Variants in FAM114A1 observed in about 807,000 individuals in gnomAD.
The protein encoded by FAM114A1 is protein NOXP20.
In FAM114A1, 62 loss-of-function variants were observed where a neutral mutation model predicts 64.3. The ratio of observed to expected loss-of-function variants is 0.96; its 90% CI spans 0.79 to 1.19. The LOEUF is 1.19. Among genes scored for constraint, FAM114A1 ranks in the 50% most tolerant of loss-of-function variants. The pLI is 0.00. For missense variants in FAM114A1, 645 were observed against 676.3 expected (o/e 0.95, Z 0.51); for synonymous variants, 254 against 251.1 (o/e 1.01, Z -0.11).
chr4:38,882,657 T>C (rs1715404243), intron 3 of FAM114A1, among the ~76,000 whole-genome samples: 1 of 152,198 alleles, frequency 6.6e-6, no homozygotes, highest in African/African-American at 2.4e-5. Flanking sequence ...TGAGGAATGC[T>C]TGCTTTACTA....
At chr4:38,931,315 T>C (rs1720610428) in intron 10 of FAM114A1, 136 bp from the exon 11 acceptor site, 1 of 993,550 alleles carries the variant, frequency 1.0e-6, no homozygotes. Flanking sequence ...GGTTGAAAAA[T>C]TGCCCCGTCA....
chr4:38,924,905 T>C (rs1253878403), intron 9 of FAM114A1, among the ~76,000 whole-genome samples: 1 of 152,206 alleles, frequency 6.6e-6, no homozygotes, highest in Non-Finnish European at 1.5e-5. Flanking sequence ...GGGTGTCATT[T>C]AGAAAGGACA....
At chr4:38,929,403 T>G in intron 10 of FAM114A1, 70 bp downstream of exon 10, 1 of 1,178,008 alleles carries the variant, frequency 8.5e-7, no homozygotes, top group African/African-American at 1.5e-5. Flanking sequence ...TGTTGTAAAG[T>G]TCCAGAGATG....
At chr4:38,914,796 C>G (rs574066704) in intron 7 of FAM114A1, 125 bp from the exon 8 acceptor site, 1 of 1,069,266 alleles carries the variant, frequency 9.4e-7, no homozygotes, top group East Asian at 2.6e-5. Context: ...TTTAGAAATT[C>G]TAAAGTGACC....
chr4:38,917,997 A>G (rs925543357), intron 8 of FAM114A1, among the ~76,000 whole-genome samples: 1 of 151,888 alleles, frequency 6.6e-6, no homozygotes, highest in Non-Finnish European at 1.5e-5. Flanking sequence ...CAGGCGGATC[A>G]CCTGAGGTCA....
intron 3 of FAM114A1, among the ~76,000 whole-genome samples, chr4:38,881,332 G>A (rs1715249014): frequency 6.6e-6 from 1 of 152,106 alleles, no homozygotes; most frequent in South Asian, 2.1e-4. Flanking sequence ...TTGGTAACAG[G>A]TACTCCACCT....
intron 8 of FAM114A1, among the ~76,000 whole-genome samples, chr4:38,921,091 A>G (rs1478029846): frequency 2.0e-5 from 3 of 152,254 alleles, no homozygotes; most frequent in Non-Finnish European, 4.4e-5. Context: ...TATTCCAAAG[A>G]GGACTACGGC....
intron 1 of FAM114A1, 134 bp downstream of exon 1, chr4:38,867,968 T>C: frequency 2.9e-6 from 1 of 348,776 alleles, no homozygotes. Context: ...CCCTCTGCGT[T>C]AGTGAGAAGC....
intron 2 of FAM114A1, among the ~76,000 whole-genome samples, chr4:38,871,515 TC>T (rs1714077731): frequency 6.6e-6 from 1 of 152,204 alleles, no homozygotes; most frequent in Non-Finnish European, 1.5e-5. Context: ...TTGACAATAG[TC>T]CATAAATATG....
rs1715161249 is a variant in FAM114A1, at chr4:38,880,594, T to C, written c.348+2168T>C. On this transcript the variant is annotated intron_variant, in intron 3 of 14. Transcript: ENST00000358869. ...ATGGACCACTAGATTATGTCAAGAA[T>C]CAGCCCAAATAGGAAATGGCAGAGT... Among the ~76,000 whole-genome samples the C allele has an allele frequency of 2.0e-5, 3 of 152,178 alleles. No homozygotes were observed. In the South Asian group the frequency reaches 6.2e-4, roughly 32 times the overall value.
intron 10 of FAM114A1, 34 bp from the exon 11 acceptor site, chr4:38,931,417 C>A: frequency 6.4e-7 from 1 of 1,568,100 alleles, no homozygotes; most frequent in Non-Finnish European, 8.6e-7. Context: ...ATATTTGCGC[C>A]ATAAAAGGAT....
At chr4:38,933,020 A>C (rs1720788965) in intron 12 of FAM114A1, among the ~76,000 whole-genome samples, 1 of 151,684 alleles carries the variant, frequency 6.6e-6, no homozygotes, top group African/African-American at 2.4e-5. Context: ...CATCCAGCTA[A>C]TTTTTGTATT....
At chr4:38,884,440 A>G (rs1246545811) in intron 3 of FAM114A1, among the ~76,000 whole-genome samples, 1 of 152,254 alleles carries the variant, frequency 6.6e-6, no homozygotes, top group Non-Finnish European at 1.5e-5. Flanking sequence ...CTCAGGTGTT[A>G]ACATATAAAT....
In FAM114A1 at chr4:38,936,346, G is replaced by A. The variant is rs1269145349; in HGVS notation, c.1536+556G>A. On this transcript the variant is annotated intron_variant, in intron 13 of 14. Coordinates refer to ENST00000358869, the MANE Select transcript of FAM114A1 (RefSeq NM_138389.4). ...CCTGACCTCGTGATCCGCCCACCTC[G>A]GCCCTGCAAAGTGCTGGGATTACAG... is the stretch of plus-strand genomic sequence containing the variant. Among the ~76,000 whole-genome samples, 4 of 151,738 alleles carry A rather than the reference G, an allele frequency of 2.6e-5. No homozygotes were observed. In the South Asian group the frequency reaches 6.2e-4, roughly 24 times the overall value.
chr4:38,899,075 T>C (rs1717255864), intron 4 of FAM114A1, among the ~76,000 whole-genome samples: 1 of 151,244 alleles, frequency 6.6e-6, no homozygotes, highest in Non-Finnish European at 1.5e-5. Context: ...AGTGGAATAC[T>C]ATGCAGCCAT....
rs574692131 is a variant in FAM114A1, at chr4:38,918,771, C to T, written c.945+3698C>T. ...GCCAGGAGTTCGAGACTAGCCTGACCAACATGGCAAAACCCTGTCTCAAAT... is the reference window on the plus strand; with the variant it reads ...GCCAGGAGTTCGAGACTAGCCTGACTAACATGGCAAAACCCTGTCTCAAAT... On this transcript the variant is annotated intron_variant, in intron 8 of 14. Transcript: ENST00000358869. Among the ~76,000 whole-genome samples, 4 of 152,090 alleles carry T rather than the reference C, an allele frequency of 2.6e-5. 1 individual carries two copies. The South Asian group carries it at 8.3e-4, about 32-fold the overall frequency.
intron 4 of FAM114A1, among the ~76,000 whole-genome samples, chr4:38,894,027 G>A (rs1278574679): frequency 6.6e-6 from 1 of 152,040 alleles, no homozygotes; most frequent in African/African-American, 2.4e-5. Flanking sequence ...GCTGGACGTG[G>A]TGGTGGGTGC....
intron 8 of FAM114A1, among the ~76,000 whole-genome samples, chr4:38,921,402 C>T (rs986240811): frequency 1.3e-4 from 20 of 151,726 alleles, no homozygotes; most frequent in African/African-American, 2.9e-4. Flanking sequence ...AGACCACAGG[C>T]GTGCACCAGC....
chr4:38,867,807 C>T lies in FAM114A1; in HGVS notation c.-185C>T. ...GTGGCGGGGCGGGACCCGCTGGGCACTCCCGCGCGTACTCGGCCGCCTGAG... is the reference window on the plus strand; with the variant it reads ...GTGGCGGGGCGGGACCCGCTGGGCATTCCCGCGCGTACTCGGCCGCCTGAG... On this transcript the variant is annotated 5_prime_UTR_variant, in exon 1 of 15. Coordinates refer to ENST00000358869, the MANE Select transcript of FAM114A1 (RefSeq NM_138389.4). 6.6e-6 allele frequency: 1 copy of T among 152,240 alleles called. No homozygotes were observed. The highest frequency in any genetic ancestry group is 1.9e-4 in the South Asian group (1 of 5,370). 9.4% of individuals were successfully genotyped at this position (152,240 alleles called of 1,614,324 possible). A position where few individuals can be genotyped will look rare whatever the true frequency, so the allele number is the denominator to read the frequency against.
Sources: gnomAD v4.1 joint callset for allele counts (sites outside exome capture counted in the v4.1 genomes callset) on GRCh38, gnomAD v4.1.1 for gene constraint, MANE v1.5 for transcripts, NCBI Gene and HGNC (gene_info 2026-07-23, HGNC 2026-07-21) for gene names.